GAREM1: variants seen among roughly 807,000 people sequenced by gnomAD.
GAREM1 encodes GRB2 associated regulator of MAPK1 subtype 1.
Under a neutral mutation model 71.3 loss-of-function variants are expected in GAREM1, and 26 were observed. That is an observed-to-expected ratio of 0.36 (90% CI 0.27 to 0.51). GAREM1 has a LOEUF of 0.51. Ranked by LOEUF, GAREM1 falls within the 20% of genes least tolerant of loss-of-function variation. GAREM1 has a pLI of 0.95. For synonymous variants in GAREM1, 440 were observed against 433.2 expected, an observed-to-expected ratio of 1.02 and a Z score of -0.20; for missense variants, 1,026 against 1,103.1, an observed-to-expected ratio of 0.93 and a Z score of 0.99.
chr18:32,309,784 A>C (rs565803476), intron 3 of GAREM1, among the ~76,000 whole-genome samples: 47 of 152,170 alleles, frequency 3.1e-4, no homozygotes, highest in African/African-American at 1.1e-3. Flanking sequence ...TTAGAAACCT[A>C]TTCTATCTTT....
At chr18:32,439,545 C>G (rs1035241576) in intron 1 of GAREM1, among the ~76,000 whole-genome samples, 1 of 152,118 alleles carries the variant, frequency 6.6e-6, no homozygotes, top group African/African-American at 2.4e-5. Context: ...AGATTGACAA[C>G]CCTGCAGGTT....
chr18:32,364,006 ATATATATATATATATATATATGTTT>A (rs1567980544), intron 2 of GAREM1, among the ~76,000 whole-genome samples: 15 of 41,948 alleles, frequency 3.6e-4, no homozygotes, highest in African/African-American at 2.0e-3. Context: ...ATATATATAT[ATATATATATATATATATATATGTTT>A]TTTTTTTTTT....
chr18:32,393,172 T>C, intron 1 of GAREM1, 137 bp from the exon 2 acceptor site: 1 of 701,236 alleles, frequency 1.4e-6, no homozygotes, highest in Non-Finnish European at 2.2e-6. Context: ...AAAGTTTACC[T>C]CTGAATTGTT....
intron 1 of GAREM1, among the ~76,000 whole-genome samples, chr18:32,438,508 G>T (rs1204934283): frequency 6.6e-6 from 1 of 152,210 alleles, no homozygotes; most frequent in East Asian, 1.9e-4. Flanking sequence ...ACTAACTGCT[G>T]CTGAGGACAG....
chr18:32,332,492 A>G (rs1012537611), intron 2 of GAREM1, among the ~76,000 whole-genome samples: 5 of 152,134 alleles, frequency 3.3e-5, no homozygotes, highest in African/African-American at 1.2e-4. Flanking sequence ...AGAAGCTGTC[A>G]TTGGTAGGGG....
rs970113162 is a variant in GAREM1 at position 32,310,454 on chromosome 18, A to T, written c.263-131T>A. 8.5e-6 allele frequency: 7 copies of T among 825,034 alleles called. No homozygotes were observed. The East Asian group carries it at 1.6e-4, about 19-fold the overall frequency. The allele number at this position is 825,034 out of a possible 1,614,324, so 51.1% of individuals were successfully genotyped here. ...ATTCCTGTTCATCATTAATCTTTTT[A>T]AAAAGGCATTATGGGAGGTTCCATT... is the stretch of plus-strand genomic sequence containing the variant. On this transcript the variant is annotated intron_variant, in intron 2 of 5. Coordinates refer to ENST00000269209, the MANE Select transcript of GAREM1 (RefSeq NM_001242409.2).
In GAREM1 at chr18:32,387,168, G is replaced by A. The variant is rs532042676; in HGVS notation, c.262+5727C>T. Among the ~76,000 whole-genome samples, 8 of 152,194 alleles carry A rather than the reference G, an allele frequency of 5.3e-5. No homozygotes were observed. The East Asian group carries it at 1.5e-3, about 29-fold the overall frequency. On this transcript the variant is annotated intron_variant, in intron 2 of 5. Transcript: ENST00000269209. ...TTGACTGGTCATGCTGAGCTGCAGAGACAAAAGGAATTTGATGAATAGATA... is the reference window on the plus strand; with the variant it reads ...TTGACTGGTCATGCTGAGCTGCAGAAACAAAAGGAATTTGATGAATAGATA...
chr18:32,356,951 A>G (rs2047812476), intron 2 of GAREM1, among the ~76,000 whole-genome samples: 1 of 152,026 alleles, frequency 6.6e-6, no homozygotes, highest in South Asian at 2.1e-4. Context: ...TAAAATGAAA[A>G]TCCCTAATGG....
chr18:32,350,010 T>C lies in GAREM1; in HGVS notation c.263-39687A>G, dbSNP rs1164309509. ...GTGTCTGAAGCAGAACGAAGTCTTG[T>C]TTATGAAGTGGGAGAAAGAAACTTG... On this transcript the variant is annotated intron_variant, in intron 2 of 5. Coordinates refer to ENST00000269209, the MANE Select transcript of GAREM1 (RefSeq NM_001242409.2). Among the ~76,000 whole-genome samples, 11 of 152,272 alleles carry C rather than the reference T, an allele frequency of 7.2e-5. No individual in the cohort carries two copies. In the East Asian group the frequency reaches 2.1e-3, roughly 29 times the overall value.
chr18:32,290,537 T>C (rs1417308220), intron 3 of GAREM1, among the ~76,000 whole-genome samples: 2 of 151,166 alleles, frequency 1.3e-5, no homozygotes, highest in Non-Finnish European at 2.9e-5. Flanking sequence ...CCCAGGTACT[T>C]TGGAGGCTGA....
intron 1 of GAREM1, among the ~76,000 whole-genome samples, chr18:32,437,391 C>T (rs1400679277): frequency 6.6e-6 from 1 of 152,082 alleles, no homozygotes; most frequent in Non-Finnish European, 1.5e-5. Flanking sequence ...TTGAGAAAGA[C>T]ATGAGTGAGA....
intron 3 of GAREM1, among the ~76,000 whole-genome samples, chr18:32,304,227 G>C (rs1049590277): frequency 5.3e-5 from 8 of 150,988 alleles, no homozygotes; most frequent in African/African-American, 1.7e-4. Flanking sequence ...GAATCGCTTG[G>C]ACCTGGGAGA....
chr18:32,271,733 C>T (rs920381470), intron 4 of GAREM1, among the ~76,000 whole-genome samples: 1 of 152,198 alleles, frequency 6.6e-6, no homozygotes, highest in Non-Finnish European at 1.5e-5. Context: ...TTTCCTTCGT[C>T]TTCACACTGG....
chr18:32,415,655 T>C (rs1369770314), intron 1 of GAREM1, among the ~76,000 whole-genome samples: 1 of 152,074 alleles, frequency 6.6e-6, no homozygotes, highest in Non-Finnish European at 1.5e-5. Flanking sequence ...TGAAAAATCA[T>C]TTGATAAAGC....
intron 1 of GAREM1, among the ~76,000 whole-genome samples, chr18:32,417,462 G>A (rs577566388): frequency 2.6e-5 from 4 of 152,290 alleles, no homozygotes; most frequent in South Asian, 2.1e-4. Context: ...AGATGCGGAA[G>A]CAACCTAAGC....
At chr18:32,379,774 G>C (rs1388001127) in intron 2 of GAREM1, among the ~76,000 whole-genome samples, 3 of 151,940 alleles carry the variant, frequency 2.0e-5, no homozygotes, top group Non-Finnish European at 4.4e-5. Flanking sequence ...ATACACTTGG[G>C]GGGCTGAGGA....
chr18:32,328,865 G>A (rs2047498310), intron 2 of GAREM1, among the ~76,000 whole-genome samples: 1 of 152,158 alleles, frequency 6.6e-6, no homozygotes, highest in Non-Finnish European at 1.5e-5. Context: ...AAGTTGACAG[G>A]TGACAGAATA....
chr18:32,371,071 C>T (rs1461524656), intron 2 of GAREM1, among the ~76,000 whole-genome samples: 1 of 151,988 alleles, frequency 6.6e-6, no homozygotes, highest in African/African-American at 2.4e-5. Context: ...GCCAAGGAAG[C>T]ATCAGAAGAG....
rs1173083772 is a variant in GAREM1 at position 32,268,492 on chromosome 18, A to G, written c.2010T>C (p.Asp670=). Residue 670 remains aspartate (D), a synonymous_variant, in exon 6 of 6, where the codon GAT becomes GAC. Coordinates refer to ENST00000269209, the MANE Select transcript of GAREM1 (RefSeq NM_001242409.2). ...TPKRNCPAPF[D]FDGCELLASP... ...TGGCCAGGAGCTCACAGCCATCAAA[A>G]TCAAAAGGTGCTGGGCAGTTTCTCT... 1 of 1,614,206 alleles carries G rather than the reference A, an allele frequency of 6.2e-7. No individual in the cohort carries two copies. The highest frequency in any genetic ancestry group is 2.2e-5 in the East Asian group (1 of 44,888).
Sources: allele counts gnomAD v4.1 joint callset (sites outside exome capture counted in the v4.1 genomes callset), GRCh38; gene constraint gnomAD v4.1.1; transcripts MANE v1.5; gene names NCBI Gene and HGNC (gene_info 2026-07-23, HGNC 2026-07-21).